The following TRPM3 variants were observed in gnomAD, a reference collection of about 807,000 sequenced individuals.
TRPM3 encodes the protein long transient receptor potential channel 3.
In TRPM3, 77 loss-of-function variants were observed where a neutral mutation model predicts 181.2. The ratio of observed to expected loss-of-function variants is 0.42; its 90% CI spans 0.35 to 0.51. The LOEUF (loss-of-function observed/expected upper bound fraction) is 0.51. TRPM3 is among the 20% of genes least tolerant of loss of function. The pLI, the probability that TRPM3 is intolerant of heterozygous loss-of-function variation, is 0.01. For synonymous variants in TRPM3, 745 were observed against 796.4 expected (o/e 0.94, Z 1.09); for missense variants, 1,759 against 2,196.7 (o/e 0.80, Z 3.98).
intron 8 of TRPM3, among the ~76,000 whole-genome samples, chr9:70,749,390 A>G (rs2075742924): frequency 6.6e-6 from 1 of 152,186 alleles, no homozygotes. Flanking sequence ...TAGTCTAGGA[A>G]TTAAGACGTT....
chr9:71,117,376 T>C (rs1315194733), intron 1 of TRPM3, among the ~76,000 whole-genome samples: 2 of 152,198 alleles, frequency 1.3e-5, no homozygotes, highest in East Asian at 3.8e-4. Flanking sequence ...GGTGAAAATG[T>C]AATCGTGGTT....
At chr9:70,910,791 C>T (rs1184681899) in intron 1 of TRPM3, among the ~76,000 whole-genome samples, 5 of 152,176 alleles carry the variant, frequency 3.3e-5, no homozygotes, top group African/African-American at 1.2e-4. Context: ...TTTCATCCTG[C>T]TTTAATTACC....
chr9:71,398,726 C>A (rs2093262351), intron 1 of TRPM3, among the ~76,000 whole-genome samples: 1 of 152,104 alleles, frequency 6.6e-6, no homozygotes, highest in Admixed American at 6.5e-5. Flanking sequence ...CATAAATTAC[C>A]CAGTCTCAGG....
rs7048929 is a variant in TRPM3 at position 71,035,370 on chromosome 9, G to A, written c.177+85808C>T. Among the ~76,000 whole-genome samples, 424 of 152,280 alleles carry A rather than the reference G, an allele frequency of 2.8e-3. 3 individuals carry two copies. The highest frequency in any genetic ancestry group is 9.7e-3 in the African/African-American group (401 of 41,546). ...AGAGACTTAACATATGTTAAGAAGA[G>A]GCACTAGAAGGCATAAATTTAGTCA... On this transcript the variant is annotated intron_variant, in intron 1 of 25. Transcript: ENST00000677713.
At chr9:71,382,470 G>T (rs576970514) in intron 1 of TRPM3, among the ~76,000 whole-genome samples, 1 of 152,010 alleles carries the variant, frequency 6.6e-6, no homozygotes, top group Non-Finnish European at 1.5e-5. Flanking sequence ...CTTACTCTAG[G>T]TACAGTGGGA....
At chr9:70,979,417 AG>A (rs1304036707) in intron 1 of TRPM3, among the ~76,000 whole-genome samples, 5 of 152,208 alleles carry the variant, frequency 3.3e-5, no homozygotes, top group Non-Finnish European at 7.3e-5. Context: ...ACTGCATTAG[AG>A]GAGGCAGAGG....
chr9:71,145,983 G>A (rs1186035592), intron 1 of TRPM3, among the ~76,000 whole-genome samples: 1 of 151,996 alleles, frequency 6.6e-6, no homozygotes, highest in Non-Finnish European at 1.5e-5. Context: ...TTATGAAGAA[G>A]TCATCTGAAG....
At chr9:70,852,128 CAAAAAAAAA>C (rs35682319) in intron 3 of TRPM3, among the ~76,000 whole-genome samples, 2 of 44,912 alleles carry the variant, frequency 4.5e-5, no homozygotes, top group Admixed American at 3.7e-4. Context: ...ACTCTATCTC[CAAAAAAAAA>C]AAAAAAAAAA....
chr9:71,377,338 T>C (rs1451434788), intron 1 of TRPM3, among the ~76,000 whole-genome samples: 1 of 152,078 alleles, frequency 6.6e-6, no homozygotes, highest in East Asian at 1.9e-4. Context: ...CCAAACACAA[T>C]CATTTCAGGC....
At chr9:71,270,032 G>T (rs996385545) in intron 1 of TRPM3, among the ~76,000 whole-genome samples, 1 of 152,012 alleles carries the variant, frequency 6.6e-6, no homozygotes, top group Non-Finnish European at 1.5e-5. Context: ...GGTCATATCC[G>T]GTTCTTTTCT....
Position 71,333,225 on chromosome 9 carries a change from T to A in TRPM3, c.183+113428A>T, listed in dbSNP as rs1219113851. ...AAGAAGTCGGCTCTGAACCAGAGAGTTCATGACCCACTTCTAGGGAACTGG... is the reference window on the plus strand; with the variant it reads ...AAGAAGTCGGCTCTGAACCAGAGAGATCATGACCCACTTCTAGGGAACTGG... On this transcript the variant is annotated intron_variant, in intron 1 of 24. Coordinates refer to the TRPM3 transcript ENST00000357533. 2.0e-5 allele frequency among the ~76,000 whole-genome samples: 3 copies of A among 150,914 alleles called. No homozygotes were observed. In the East Asian group the frequency reaches 5.8e-4, roughly 29 times the overall value.
At chr9:70,566,096 T>C (rs995430642) in intron 22 of TRPM3, among the ~76,000 whole-genome samples, 5 of 151,926 alleles carry the variant, frequency 3.3e-5, no homozygotes, top group African/African-American at 1.2e-4. Context: ...GTGGTGGTGA[T>C]AGTGGATGGA....
chr9:70,764,884 T>A (rs1237115254), intron 7 of TRPM3, among the ~76,000 whole-genome samples: 4 of 152,182 alleles, frequency 2.6e-5, no homozygotes, highest in Non-Finnish European at 5.9e-5. Flanking sequence ...CACTTGTAGA[T>A]CTCCCCTTTT....
chr9:70,764,961 G>A (rs1451329280), intron 7 of TRPM3, among the ~76,000 whole-genome samples: 1 of 152,150 alleles, frequency 6.6e-6, no homozygotes, highest in African/African-American at 2.4e-5. Context: ...TTTTAAATAA[G>A]ATCCCACAAA....
chr9:71,392,445 C>T (rs867282678), intron 1 of TRPM3, among the ~76,000 whole-genome samples: 9 of 152,092 alleles, frequency 5.9e-5, no homozygotes, highest in South Asian at 2.1e-4. Flanking sequence ...GTAACAACTT[C>T]GAATTGGATA....
chr9:70,853,696 C>A (rs1006153121), intron 3 of TRPM3, among the ~76,000 whole-genome samples: 1 of 152,178 alleles, frequency 6.6e-6, no homozygotes, highest in Non-Finnish European at 1.5e-5. Flanking sequence ...GTAGAACACA[C>A]CTAATTATCT....
chr9:71,316,465 G>A (rs193018163), intron 1 of TRPM3, among the ~76,000 whole-genome samples: 13 of 152,166 alleles, frequency 8.5e-5, no homozygotes, highest in Non-Finnish European at 2.9e-5. Flanking sequence ...TAAGGTTAAG[G>A]ACCTGGAGAA....
intron 25 of TRPM3, among the ~76,000 whole-genome samples, chr9:70,539,473 A>ATTTT (rs57538597): frequency 1.5e-5 from 2 of 137,560 alleles, no homozygotes; most frequent in Non-Finnish European, 1.6e-5. Flanking sequence ...CCTGCTTGTA[A>ATTTT]TTTTTTTTTT....
chr9:71,108,673 G>A (rs1276836521), intron 1 of TRPM3, among the ~76,000 whole-genome samples: 4 of 152,182 alleles, frequency 2.6e-5, no homozygotes, highest in African/African-American at 7.2e-5. Flanking sequence ...AAAGTATAAA[G>A]TAGATGGGCC....
Sources: allele counts gnomAD v4.1 joint callset (sites outside exome capture counted in the v4.1 genomes callset), GRCh38; gene constraint gnomAD v4.1.1; transcripts MANE v1.5; gene names NCBI Gene and HGNC (gene_info 2026-07-23, HGNC 2026-07-21).